Variants in SLC25A48 observed in about 807,000 individuals in gnomAD.
SLC25A48 encodes solute carrier family 25 member 48, also known as CTC-321K16.1.
SLC25A48 carries 29 observed loss-of-function variants against 32.2 expected under a neutral mutation model. The observed-to-expected ratio is 0.90, with a 90% CI of 0.67 to 1.23. The LOEUF is 1.23. SLC25A48 is among the 50% of genes most tolerant of loss of function. The pLI is 0.00. For missense variants in SLC25A48, 399 were observed against 422.7 expected (o/e 0.94, Z 0.49); for synonymous variants, 164 against 172.3 (o/e 0.95, Z 0.38).
intron 6 of SLC25A48, among the ~76,000 whole-genome samples, chr5:135,879,609 AGAGTGTGTGT>A (rs1762308347): frequency 2.4e-5 from 3 of 127,044 alleles, no homozygotes; most frequent in African/African-American, 8.3e-5. Flanking sequence ...AGAGAGAGAG[AGAGTGTGTGT>A]GTGTGTGTGT....
intron 2 of SLC25A48, 34 bp from the exon 3 acceptor site, chr5:135,850,391 C>T (rs774893115): frequency 1.2e-6 from 2 of 1,611,172 alleles, no homozygotes; most frequent in Admixed American, 1.7e-5. Context: ...TGAATAACCT[C>T]TGCGCTGACC....
At chr5:135,717,407 T>C (rs778303695) in intron 3 of SLC25A48, among the ~76,000 whole-genome samples, 7 of 152,210 alleles carry the variant, frequency 4.6e-5, no homozygotes, top group Non-Finnish European at 8.8e-5. Flanking sequence ...GAGCAGATGC[T>C]GAGATCTTTG....
At chr5:135,778,252 A>T (rs1039656906) in intron 3 of SLC25A48, among the ~76,000 whole-genome samples, 5 of 151,792 alleles carry the variant, frequency 3.3e-5, no homozygotes, top group Admixed American at 3.3e-4. Flanking sequence ...TTCACGGAGA[A>T]AAAGGATGAT....
chr5:135,639,800 C>T lies in SLC25A48; in HGVS notation c.-521+4844C>T, dbSNP rs144527346. Among the ~76,000 whole-genome samples, 150 of 152,236 alleles carry T rather than the reference C, an allele frequency of 9.9e-4. 2 individuals carry two copies. The East Asian group carries it at 0.028, about 28-fold the overall frequency. ...ACTCAGCAATATCAAGAGGACCCAC[C>T]AATGACAAGTATCTTCTAGAACAAA... is the stretch of plus-strand genomic sequence containing the variant. On this transcript the variant is annotated intron_variant, in intron 3 of 10. Coordinates refer to the SLC25A48 transcript ENST00000646290.
chr5:135,675,440 C>G (rs772352650), intron 3 of SLC25A48, among the ~76,000 whole-genome samples: 1 of 151,930 alleles, frequency 6.6e-6, no homozygotes, highest in Non-Finnish European at 1.5e-5. Context: ...ATCTTCCTAG[C>G]ATCATTTACT....
chr5:135,653,580 A>T (rs1753168591), intron 3 of SLC25A48, among the ~76,000 whole-genome samples: 1 of 152,168 alleles, frequency 6.6e-6, no homozygotes, highest in Non-Finnish European at 1.5e-5. Context: ...TAACCTCAAG[A>T]CAGTGATAGA....
chr5:135,848,046 C>A (rs1759556266), intron 2 of SLC25A48, among the ~76,000 whole-genome samples: 2 of 152,160 alleles, frequency 1.3e-5, no homozygotes, highest in African/African-American at 4.8e-5. Context: ...TAATAAATGC[C>A]TTCTCCTGCT....
At chr5:135,802,709 T>C (rs1757365599) in intron 3 of SLC25A48, among the ~76,000 whole-genome samples, 1 of 151,416 alleles carries the variant, frequency 6.6e-6, no homozygotes, top group Non-Finnish European at 1.5e-5. Flanking sequence ...ACAGAATCTG[T>C]GTACATTCAG....
chr5:135,860,326 C>T (rs1760678689), intron 4 of SLC25A48, among the ~76,000 whole-genome samples: 1 of 152,184 alleles, frequency 6.6e-6, no homozygotes, highest in Admixed American at 6.5e-5. Flanking sequence ...TCGATTGAAA[C>T]CTGGACACAG....
At chr5:135,721,694 G>C (rs574490350) in intron 3 of SLC25A48, among the ~76,000 whole-genome samples, 1 of 122,826 alleles carries the variant, frequency 8.1e-6, no homozygotes, top group South Asian at 2.7e-4. Flanking sequence ...AGGGCTAGAG[G>C]GGGACAGTTC....
Position 135,859,741 on chromosome 5 carries a change from G to A in SLC25A48, c.421+6920G>A, listed in dbSNP as rs549735014. Among the ~76,000 whole-genome samples the A allele has an allele frequency of 3.9e-5, 6 of 152,288 alleles. No individual in the cohort carries two copies. The South Asian group carries it at 1.2e-3, about 32-fold the overall frequency. ...TATGCACATTGTTGCTTCTGGGTGA[G>A]GCCACAGGAGCAGGGTTTGTGGGTC... On this transcript the variant is annotated intron_variant, in intron 4 of 7. Transcript: ENST00000681962.
At chr5:135,850,719 G>T (rs58274009) in intron 3 of SLC25A48, among the ~76,000 whole-genome samples, 14,586 of 152,306 alleles carry the variant, frequency 0.096, 1,799 homozygotes, top group African/African-American at 0.29. Context: ...AACTCCAGTT[G>T]TGTGTAACCT....
At chr5:135,738,832 A>G (rs1397660979) in intron 3 of SLC25A48, among the ~76,000 whole-genome samples, 2 of 152,208 alleles carry the variant, frequency 1.3e-5, no homozygotes, top group Non-Finnish European at 2.9e-5. Flanking sequence ...TTGTAATCCC[A>G]GCATTTTGGG....
At chr5:135,586,506 G>A (rs1405128907) in intron 1 of SLC25A48, among the ~76,000 whole-genome samples, 1 of 138,324 alleles carries the variant, frequency 7.2e-6, no homozygotes, top group South Asian at 2.4e-4. Flanking sequence ...GGTCCAAGGA[G>A]TCTTCTGCAG....
chr5:135,693,489 C>T (rs1754192993), intron 3 of SLC25A48, among the ~76,000 whole-genome samples: 1 of 152,170 alleles, frequency 6.6e-6, no homozygotes, highest in East Asian at 1.9e-4. Flanking sequence ...CGGTGGTATG[C>T]CAGGTCTCTC....
At chr5:135,613,365 C>T (rs1329291360) in intron 1 of SLC25A48, among the ~76,000 whole-genome samples, 2 of 151,984 alleles carry the variant, frequency 1.3e-5, no homozygotes, top group East Asian at 3.9e-4. Flanking sequence ...AATATTTTAT[C>T]CCATTTTAAC....
chr5:135,715,910 T>G (rs1454910315), intron 3 of SLC25A48, among the ~76,000 whole-genome samples: 1 of 152,214 alleles, frequency 6.6e-6, no homozygotes, highest in Admixed American at 6.5e-5. Flanking sequence ...TGTGATGTAA[T>G]CCTGTTTCTC....
At chr5:135,841,918 A>G (rs1266668608) in intron 1 of SLC25A48, among the ~76,000 whole-genome samples, 4 of 152,196 alleles carry the variant, frequency 2.6e-5, no homozygotes, top group Admixed American at 1.3e-4. Flanking sequence ...TGATTTCTCA[A>G]TCTTTTCAAC....
intron 2 of SLC25A48, among the ~76,000 whole-genome samples, chr5:135,634,087 A>G (rs1385290955): frequency 1.2e-4 from 18 of 152,162 alleles, no homozygotes; most frequent in Admixed American, 1.2e-3. Context: ...CCATGGCTCT[A>G]TCTCTCACCA....
Sources: gnomAD v4.1 joint callset for allele counts (sites outside exome capture counted in the v4.1 genomes callset) on GRCh38, gnomAD v4.1.1 for gene constraint, MANE v1.5 for transcripts, NCBI Gene and HGNC (gene_info 2026-07-23, HGNC 2026-07-21) for gene names.